The following ARVCF variants were observed in gnomAD, a reference collection of about 807,000 sequenced individuals.
The protein encoded by ARVCF is ARVCF delta catenin family member.
A neutral mutation model predicts 90.9 loss-of-function variants in ARVCF; 66 were observed. The observed-to-expected ratio is 0.73, with a 90% CI of 0.60 to 0.89. The LOEUF (loss-of-function observed/expected upper bound fraction) is 0.89, where lower values mean the gene tolerates loss of function less well. ARVCF is among the 40% of genes least tolerant of loss of function. ARVCF has a pLI of 0.00. For synonymous variants in ARVCF, 653 were observed against 603.4 expected (o/e 1.08, Z -1.21); for missense variants, 1,469 against 1,382.3 (o/e 1.06, Z -1.00).
Position 19,979,939 on chromosome 22 carries a change from C to A in ARVCF, c.1200G>T (p.Arg400=). The change falls in exon 6 of 20, where the codon CGG becomes CGT. Residue 400 remains arginine (R), a synonymous_variant. Transcript: ENST00000263207. ...EGVKRRVRQL[R]GLPLLVALLD... is the part of the protein sequence containing the mutation. ...GCAGTGCCACAAGCAGCGGCAGCCC[C>A]CGCAACTGCCGTACACGCCGCTTGA... 1.3e-6 allele frequency: 2 copies of A among 1,595,144 alleles called. No individual in the cohort carries two copies. The highest frequency in any genetic ancestry group is 2.3e-5 in the East Asian group (1 of 43,908).
chr22:20,008,969 A>C (rs544068523), intron 2 of ARVCF, among the ~76,000 whole-genome samples: 61 of 152,126 alleles, frequency 4.0e-4, no homozygotes, highest in Non-Finnish European at 7.1e-4. Flanking sequence ...AAGCAACAGG[A>C]GGGAGAGTGA....
chr22:19,970,087 G>A lies in ARVCF; in HGVS notation c.*669C>T. ...CCCGGAGGTGCTGCCCAGGCTCCAG[G>A]CAGATGCGGCAGCCCCGGCCCCAGC... is the stretch of plus-strand genomic sequence containing the variant. On this transcript the variant is annotated 3_prime_UTR_variant, in exon 20 of 20. Transcript: ENST00000263207. 4 of 985,542 alleles carry A rather than the reference G, an allele frequency of 4.1e-6. No homozygotes were observed. Among genetic ancestry groups the A allele is most frequent in the Non-Finnish European group, 3.6e-6 (3 of 829,956 alleles). 61.0% of individuals were successfully genotyped at this position (985,542 alleles called of 1,614,324 possible).
At chr22:20,003,573 T>C (rs943689242) in intron 2 of ARVCF, among the ~76,000 whole-genome samples, 3 of 152,194 alleles carry the variant, frequency 2.0e-5, no homozygotes, top group African/African-American at 7.2e-5. Flanking sequence ...TGGTTCCATG[T>C]ACAAAAATCA....
chr22:19,973,429 GT>G, intron 13 of ARVCF, 112 bp from the exon 14 acceptor site: 3 of 1,372,996 alleles, frequency 2.2e-6, no homozygotes, highest in Non-Finnish European at 2.9e-6. Flanking sequence ...GAGACCGCCT[GT>G]GTGCAGGCGG....
At chr22:19,983,460 C>T (rs2146330280) in intron 3 of ARVCF, among the ~76,000 whole-genome samples, 1 of 152,334 alleles carries the variant, frequency 6.6e-6, no homozygotes, top group African/African-American at 2.4e-5. Context: ...GGGTCCTATC[C>T]TGGGGGAATA....
rs748432152 is a variant in ARVCF, at chr22:19,981,319, T to C, written c.788A>G (p.Asp263Gly). 8.1e-6 allele frequency: 13 copies of C among 1,601,180 alleles called. No individual in the cohort carries two copies. The African/African-American group carries it at 1.6e-4, about 20-fold the overall frequency. The change falls in exon 5 of 20, where the codon GAT (aspartate) becomes GGT (glycine). Residue 263 changes from aspartate to glycine, a missense_variant. Coordinates refer to ENST00000263207, the MANE Select transcript of ARVCF (RefSeq NM_001670.3). The part of the protein sequence containing the change: ...RFQAEPYGLE[D>G]DTRSLAADDE... ...ATCAGCGGCCAGGCTGCGCGTGTCATCCTCCAAGCCATACGGCTCTGCCTG... is the reference window on the plus strand; with the variant it reads ...ATCAGCGGCCAGGCTGCGCGTGTCACCCTCCAAGCCATACGGCTCTGCCTG...
Position 19,970,736 on chromosome 22 carries a change from C to T in ARVCF, c.*20G>A, listed in dbSNP as rs559014048. ...CAAGCCCTAAGAACAAGAGGCTGGGCCTGGGCCCTGCAGAGGGAAAGGGGA... is the reference window on the plus strand; with the variant it reads ...CAAGCCCTAAGAACAAGAGGCTGGGTCTGGGCCCTGCAGAGGGAAAGGGGA... On this transcript the variant is annotated 3_prime_UTR_variant, in exon 20 of 20. Transcript: ENST00000263207. 569 of 1,290,604 alleles carry T rather than the reference C, an allele frequency of 4.4e-4. 1 individual carries two copies. The South Asian group carries it at 6.8e-3, about 15-fold the overall frequency. 79.9% of individuals were successfully genotyped at this position (1,290,604 alleles called of 1,614,324 possible).
At chr22:19,974,808 T>C (rs1394837366) in intron 11 of ARVCF, among the ~76,000 whole-genome samples, 2 of 151,628 alleles carry the variant, frequency 1.3e-5, no homozygotes, top group East Asian at 1.9e-4. Context: ...GCAGCTGCCC[T>C]AGCAACAGGA....
chr22:19,972,003 C>T lies in ARVCF; in HGVS notation c.2696-32G>A, dbSNP rs753415069. ...ATGGGGTAAGGTGGGGCATGAGGGG[C>T]GCTCTGAGGGAGGCCCTGTAGGAGC... is the stretch of plus-strand genomic sequence containing the variant. On this transcript the variant is annotated intron_variant, in intron 17 of 19. Coordinates refer to ENST00000263207, the MANE Select transcript of ARVCF (RefSeq NM_001670.3). 45 of 1,567,856 alleles carry T rather than the reference C, an allele frequency of 2.9e-5. No homozygotes were observed. The East Asian group carries it at 6.1e-4, about 21-fold the overall frequency.
At chr22:20,006,984 T>C (rs572487499) in intron 2 of ARVCF, among the ~76,000 whole-genome samples, 2 of 152,210 alleles carry the variant, frequency 1.3e-5, no homozygotes, top group Non-Finnish European at 2.9e-5. Context: ...CTGGGTGCAG[T>C]GGCTCACACC....
At chr22:19,966,022 C>G (rs1049008650), downstream of ARVCF, among the ~76,000 whole-genome samples, 2 of 152,234 alleles carry the variant, frequency 1.3e-5, no homozygotes, top group Non-Finnish European at 2.9e-5. Flanking sequence ...GATGTGGGTG[C>G]TAATTACAGG....
chr22:20,006,044 T>C (rs1944612572), intron 2 of ARVCF, among the ~76,000 whole-genome samples: 2 of 152,202 alleles, frequency 1.3e-5, no homozygotes, highest in South Asian at 2.1e-4. Context: ...TGAGATTCTA[T>C]TTATGTAAGG....
intron 2 of ARVCF, among the ~76,000 whole-genome samples, chr22:20,006,508 G>C (rs923877765): frequency 2.0e-5 from 3 of 148,662 alleles, no homozygotes; most frequent in African/African-American, 7.4e-5. Context: ...GAACCCAGGA[G>C]GCGGAGCTTG....
intron 11 of ARVCF, 182 bp from the exon 12 acceptor site, chr22:19,974,421 T>G: frequency 1.4e-6 from 1 of 721,988 alleles, no homozygotes; most frequent in Admixed American, 3.7e-5. Flanking sequence ...GCGTTCCCAT[T>G]TCACAGAGGA....
chr22:19,985,880 G>A (rs1033505135), intron 3 of ARVCF, among the ~76,000 whole-genome samples: 5 of 152,224 alleles, frequency 3.3e-5, no homozygotes, highest in African/African-American at 1.2e-4. Flanking sequence ...GCTGTCCGAT[G>A]GATGAATGAA....
intron 7 of ARVCF, 29 bp downstream of exon 7, chr22:19,978,868 T>C (rs1943314745): frequency 2.5e-6 from 4 of 1,590,928 alleles, no homozygotes; most frequent in African/African-American, 1.3e-5. Context: ...GGTGTGCATG[T>C]GGGCTTTAGC....
rs576530033 is a variant in ARVCF at position 19,973,701 on chromosome 22, G to A, written c.2181C>T (p.Arg727=). Residue 727 remains arginine, a synonymous_variant, in exon 13 of 20, where the codon CGC becomes CGT. Coordinates refer to ENST00000263207, the MANE Select transcript of ARVCF (RefSeq NM_001670.3). ...GGTTGCGCAGAGCGATGGCGACGGC[G>A]CGCACCACCTTGTCGGTCTCAGACT... The part of the protein sequence containing the change: ...LLQSETDKVV[R]AVAIALRNLS... 85 of 1,610,192 alleles carry A rather than the reference G, an allele frequency of 5.3e-5. 1 individual carries two copies. In the East Asian group the frequency reaches 1.7e-3, roughly 33 times the overall value.
chr22:19,969,469 C>T (rs1198067157), downstream of ARVCF: 1 of 152,354 alleles, frequency 6.6e-6, no homozygotes, highest in Non-Finnish European at 1.5e-5. Context: ...GCCTCCCTGG[C>T]CCATGAGTGA....
intron 14 of ARVCF, 28 bp downstream of exon 14, chr22:19,973,091 C>G (rs1179150069): frequency 6.2e-7 from 1 of 1,604,318 alleles, no homozygotes; most frequent in Non-Finnish European, 8.5e-7. Flanking sequence ...CCGCGGCTCC[C>G]CAAGCCACCG....
Sources: gnomAD v4.1 joint callset for allele counts (sites outside exome capture counted in the v4.1 genomes callset) on GRCh38, gnomAD v4.1.1 for gene constraint, MANE v1.5 for transcripts, NCBI Gene and HGNC (gene_info 2026-07-23, HGNC 2026-07-21) for gene names.